SMS: variants seen among roughly 807,000 people sequenced by gnomAD.
SMS encodes spermidine aminopropyltransferase.
A neutral mutation model predicts 33.0 loss-of-function variants in SMS; 3 were observed. The ratio of observed to expected loss-of-function variants is 0.09; its 90% CI spans 0.04 to 0.23. SMS has a LOEUF of 0.23. Ranked by LOEUF, SMS falls within the 10% of genes least tolerant of loss-of-function variation. The probability of loss-of-function intolerance (pLI) is 1.00; values close to 1 mark genes in which losing one functional copy is unlikely to be tolerated. For synonymous variants in SMS, 103 were observed against 112.2 expected, an observed-to-expected ratio of 0.92 and a Z score of 0.52; for missense variants, 117 against 288.6, an observed-to-expected ratio of 0.41 and a Z score of 4.31.
intron 7 of SMS, among the ~76,000 whole-genome samples, chrX:21,983,820 C>T (rs1030383439): frequency 9.0e-6 from 1 of 110,947 alleles, no homozygotes; most frequent in Non-Finnish European, 1.9e-5. Flanking sequence ...CCCAGGAGTT[C>T]AAGACCAGCC....
chrX:21,977,486 TA>T (rs368269595), intron 5 of SMS, among the ~76,000 whole-genome samples: 1,890 of 105,465 alleles, frequency 0.018, 37 homozygotes, highest in African/African-American at 0.059. Context: ...TTTGCATATT[TA>T]AAAAAAAAAA....
intron 1 of SMS, among the ~76,000 whole-genome samples, chrX:21,943,539 A>G (rs1274587018): frequency 9.0e-6 from 1 of 111,404 alleles, no homozygotes; most frequent in Non-Finnish European, 1.9e-5. Context: ...AAGATGAAAC[A>G]TAAGCTGTTA....
At chrX:21,950,596 T>A (rs1053524793) in intron 1 of SMS, among the ~76,000 whole-genome samples, 6 of 108,763 alleles carry the variant, frequency 5.5e-5, no homozygotes, top group African/African-American at 1.3e-4. Context: ...TCCCTCCCCT[T>A]GCCCCCCACC....
chrX:21,987,163 T>G (rs1203079267), intron 9 of SMS, among the ~76,000 whole-genome samples: 1 of 110,210 alleles, frequency 9.1e-6, no homozygotes, highest in Admixed American at 9.6e-5. Context: ...GCCCGGCTGA[T>G]TTTTTGTATT....
chrX:21,964,171 A>G (rs1376454291), intron 1 of SMS, among the ~76,000 whole-genome samples: 1 of 110,977 alleles, frequency 9.0e-6, no homozygotes, highest in African/African-American at 3.3e-5. Flanking sequence ...CAGAATAGCA[A>G]AGCAAGCTAG....
At chrX:21,944,539 A>AAAAAAAAAAAAAAAAAAAAAAAG (rs776946474) in intron 1 of SMS, among the ~76,000 whole-genome samples, 25 of 81,419 alleles carry the variant, frequency 3.1e-4, no homozygotes, top group African/African-American at 5.4e-4. Context: ...AAAAAAAAAA[A>AAAAAAAAAAAAAAAAAAAAAAAG]AAAAAAGAAA....
intron 9 of SMS, among the ~76,000 whole-genome samples, chrX:21,987,249 G>A (rs1046761034): frequency 1.1e-4 from 12 of 111,921 alleles, no homozygotes; most frequent in Admixed American, 2.8e-4. Flanking sequence ...CGCCCCCCTC[G>A]GCCTCCCAAA....
At chrX:21,991,008 G>GT (rs907267203) in intron 9 of SMS, among the ~76,000 whole-genome samples, 1 of 112,178 alleles carries the variant, frequency 8.9e-6, no homozygotes, top group African/African-American at 3.2e-5. Context: ...AATGTGCTAA[G>GT]TTAAAACCAC....
At chrX:21,949,104 A>AT (rs1387706966) in intron 1 of SMS, among the ~76,000 whole-genome samples, 3 of 111,598 alleles carry the variant, frequency 2.7e-5, no homozygotes, top group Non-Finnish European at 5.6e-5. Flanking sequence ...GCTAGTGGTG[A>AT]TACTGGTGAT....
chrX:21,958,052 C>T (rs1336369577), intron 1 of SMS, among the ~76,000 whole-genome samples: 1 of 110,314 alleles, frequency 9.1e-6, no homozygotes, highest in Non-Finnish European at 1.9e-5. Context: ...ATATTTTCTC[C>T]CACTCTATGG....
chrX:21,980,429 A>AAAAAAAAAAATAT (rs1260210326), intron 7 of SMS, among the ~76,000 whole-genome samples: 1 of 63,039 alleles, frequency 1.6e-5, no homozygotes, highest in Non-Finnish European at 3.1e-5. Context: ...AAAAAAAAAA[A>AAAAAAAAAAATAT]ATATATATAT....
intron 1 of SMS, among the ~76,000 whole-genome samples, chrX:21,947,396 T>A (rs1313154801): frequency 9.0e-6 from 1 of 111,657 alleles, no homozygotes; most frequent in African/African-American, 3.3e-5. Flanking sequence ...TTTGCATTTT[T>A]AATCATCTGC....
intron 1 of SMS, among the ~76,000 whole-genome samples, chrX:21,965,950 T>C (rs183188513): frequency 2.3e-3 from 252 of 110,796 alleles, no homozygotes; most frequent in African/African-American, 7.7e-3. Flanking sequence ...AGGGAGATCC[T>C]GTCTCAAAAA....
intron 6 of SMS, among the ~76,000 whole-genome samples, 177 bp from the exon 7 acceptor site, chrX:21,978,700 G>C (rs997141017): frequency 8.9e-6 from 1 of 112,491 alleles, no homozygotes; most frequent in African/African-American, 3.2e-5. Context: ...AGAAGATTAA[G>C]TTCCTTTTGA....
chrX:21,981,071 A>G (rs1214692380), intron 7 of SMS, among the ~76,000 whole-genome samples: 3 of 111,924 alleles, frequency 2.7e-5, no homozygotes, highest in Non-Finnish European at 5.6e-5. Context: ...CTGTAATCCC[A>G]GCACTTTGGG....
chrX:21,984,064 G>GT (rs1172981596), intron 7 of SMS, among the ~76,000 whole-genome samples: 1 of 111,267 alleles, frequency 9.0e-6, no homozygotes, highest in Non-Finnish European at 1.9e-5. Context: ...GATGATAATA[G>GT]TGCCTCTAGG....
chrX:21,945,642 C>A (rs1476869623), intron 1 of SMS, among the ~76,000 whole-genome samples: 1 of 76,272 alleles, frequency 1.3e-5, no homozygotes, highest in African/African-American at 4.8e-5. Context: ...CGTCCCCCCC[C>A]CCACCCCCTA....
At chrX:21,954,962 G>A (rs974560349) in intron 1 of SMS, among the ~76,000 whole-genome samples, 5 of 110,089 alleles carry the variant, frequency 4.5e-5, no homozygotes, top group African/African-American at 1.7e-4. Flanking sequence ...CCAGCCTCCC[G>A]AGTAGCTGGT....
chrX:21,943,733 C>T (rs1044441433), intron 1 of SMS, among the ~76,000 whole-genome samples: 7 of 111,127 alleles, frequency 6.3e-5, no homozygotes, highest in South Asian at 7.6e-4. Flanking sequence ...CATTCTCTTC[C>T]ATCACTTTAT....
Sources: allele counts gnomAD v4.1 joint callset (sites outside exome capture counted in the v4.1 genomes callset), GRCh38; gene constraint gnomAD v4.1.1; transcripts MANE v1.5; gene names NCBI Gene and HGNC (gene_info 2026-07-23, HGNC 2026-07-21).